Variants in SHISA9 observed in about 807,000 individuals in gnomAD.
SHISA9 encodes protein shisa-9.
A neutral mutation model predicts 38.0 loss-of-function variants in SHISA9; 13 were observed. The observed-to-expected ratio is 0.34, with a 90% CI of 0.22 to 0.54. SHISA9 has a LOEUF of 0.54. Ranked by LOEUF, SHISA9 falls within the 20% of genes least tolerant of loss-of-function variation. The pLI is 0.91. For synonymous variants in SHISA9, 275 were observed against 242.0 expected, an observed-to-expected ratio of 1.14 and a Z score of -1.27; for missense variants, 538 against 575.8, an observed-to-expected ratio of 0.93 and a Z score of 0.67.
the SHISA9 span, among the ~76,000 whole-genome samples, chr16:13,455,758 G>A: frequency 2.6e-5 from 4 of 152,136 alleles, no homozygotes; most frequent in African/African-American, 9.7e-5. Flanking sequence ...GGATCTAAAA[G>A]GGCAAGTGAA....
At chr16:12,928,705 A>G (rs1307805390) in intron 2 of SHISA9, among the ~76,000 whole-genome samples, 1 of 152,216 alleles carries the variant, frequency 6.6e-6, no homozygotes, top group Non-Finnish European at 1.5e-5. Context: ...CAACCCTTGA[A>G]TTGGAAGTTG....
the SHISA9 span, among the ~76,000 whole-genome samples, chr16:13,520,073 C>A: frequency 2.0e-5 from 3 of 152,152 alleles, no homozygotes; most frequent in Non-Finnish European, 4.4e-5. Context: ...ACAGCAAGAG[C>A]CATATCTGCA....
At chr16:13,500,862 C>T in the SHISA9 span, among the ~76,000 whole-genome samples, 1 of 152,280 alleles carries the variant, frequency 6.6e-6, no homozygotes, top group East Asian at 1.9e-4. Context: ...CTAGAACTCC[C>T]AATGTGCAGT....
intron 2 of SHISA9, among the ~76,000 whole-genome samples, chr16:13,198,202 A>G (rs927405393): frequency 1.4e-5 from 2 of 147,982 alleles, no homozygotes; most frequent in African/African-American, 5.0e-5. Flanking sequence ...AAATTAATAT[A>G]TGTGTGTATA....
chr16:12,920,144 C>T (rs9924689), intron 2 of SHISA9, among the ~76,000 whole-genome samples: 37,506 of 147,796 alleles, frequency 0.25, 5,214 homozygotes, highest in Middle Eastern at 0.31. Context: ...CAGCACACTT[C>T]TTGAAATACA....
chr16:13,155,197 G>A (rs1296631970), intron 2 of SHISA9, among the ~76,000 whole-genome samples: 1 of 152,202 alleles, frequency 6.6e-6, no homozygotes, highest in Admixed American at 6.5e-5. Flanking sequence ...CAAATGGGAT[G>A]AGTTGGACTT....
chr16:13,213,761 C>A (rs2051142224), intron 4 of SHISA9, among the ~76,000 whole-genome samples: 1 of 152,120 alleles, frequency 6.6e-6, no homozygotes, highest in African/African-American at 2.4e-5. Flanking sequence ...TTTCAACTTT[C>A]CTGGGACAGC....
At chr16:13,457,498 A>G in the SHISA9 span, among the ~76,000 whole-genome samples, 1 of 151,960 alleles carries the variant, frequency 6.6e-6, no homozygotes, top group Non-Finnish European at 1.5e-5. Context: ...CACCACCTAT[A>G]TAGGAAAATC....
intron 1 of SHISA9, chr16:12,911,181 G>A (rs1199083190): frequency 7.8e-6 from 7 of 895,902 alleles, no homozygotes; most frequent in Non-Finnish European, 9.4e-6. Flanking sequence ...GCTTGGGCAC[G>A]ATCTCAGGCC....
At chr16:13,358,157 C>T in the SHISA9 span, among the ~76,000 whole-genome samples, 1 of 152,076 alleles carries the variant, frequency 6.6e-6, no homozygotes, top group Non-Finnish European at 1.5e-5. Context: ...AATTGGCCCT[C>T]ACTACTAGCT....
the SHISA9 span, among the ~76,000 whole-genome samples, chr16:13,451,562 T>A: frequency 2.0e-5 from 3 of 152,172 alleles, no homozygotes; most frequent in African/African-American, 7.2e-5. Flanking sequence ...TCATGAAAAG[T>A]GGCCTTCAAA....
intron 2 of SHISA9, among the ~76,000 whole-genome samples, chr16:13,075,312 C>G (rs921624408): frequency 1.1e-4 from 17 of 152,198 alleles, no homozygotes; most frequent in Admixed American, 9.2e-4. Context: ...ATGTTGTGAT[C>G]TCTAGCACCT....
intron 1 of SHISA9, among the ~76,000 whole-genome samples, chr16:12,908,268 A>T (rs781025142): frequency 6.6e-6 from 1 of 152,174 alleles, no homozygotes; most frequent in Non-Finnish European, 1.5e-5. Flanking sequence ...ACATTGACCA[A>T]GTCTCCTAAC....
chr16:13,244,112 T>C (rs1035087248), downstream of SHISA9, among the ~76,000 whole-genome samples: 1 of 152,174 alleles, frequency 6.6e-6, no homozygotes, highest in African/African-American at 2.4e-5. Flanking sequence ...ATTCTTAATG[T>C]TCTTAGGCCA....
intron 2 of SHISA9, among the ~76,000 whole-genome samples, chr16:13,075,326 G>A (rs1034638586): frequency 2.0e-5 from 3 of 152,170 alleles, no homozygotes; most frequent in African/African-American, 4.8e-5. Flanking sequence ...AGCACCTGGT[G>A]TCAGCCCCTC....
chr16:13,128,702 C>A (rs1343595362), intron 2 of SHISA9, among the ~76,000 whole-genome samples: 1 of 152,134 alleles, frequency 6.6e-6, no homozygotes, highest in Non-Finnish European at 1.5e-5. Context: ...TAGCTTATGT[C>A]CCACTGGGAG....
At chr16:13,343,247 A>G in the SHISA9 span, among the ~76,000 whole-genome samples, 1 of 152,210 alleles carries the variant, frequency 6.6e-6, no homozygotes, top group Admixed American at 6.5e-5. Context: ...AGATCTCTCA[A>G]TATCTCTAGT....
At chr16:13,355,396 TCTTATA>T in the SHISA9 span, among the ~76,000 whole-genome samples, 1 of 151,622 alleles carries the variant, frequency 6.6e-6, no homozygotes, top group South Asian at 2.1e-4. Flanking sequence ...AGTAGAGGTA[TCTTATA>T]CTTGTGGGTT....
At chr16:13,135,083 C>T (rs2050337277) in intron 2 of SHISA9, among the ~76,000 whole-genome samples, 1 of 152,184 alleles carries the variant, frequency 6.6e-6, no homozygotes, top group Admixed American at 6.5e-5. Context: ...AATTCATTAG[C>T]TAAAACAAGT....
Sources: gnomAD v4.1 joint callset for allele counts (sites outside exome capture counted in the v4.1 genomes callset) on GRCh38, gnomAD v4.1.1 for gene constraint, MANE v1.5 for transcripts, NCBI Gene and HGNC (gene_info 2026-07-23, HGNC 2026-07-21) for gene names.